TPCN1: variants seen among roughly 807,000 people sequenced by gnomAD.
TPCN1 encodes the protein two pore channel protein 1.
In TPCN1, 52 loss-of-function variants were observed where a neutral mutation model predicts 108.8. That is an observed-to-expected ratio of 0.48 (90% CI 0.38 to 0.60). The LOEUF is 0.60. Ranked by LOEUF, TPCN1 falls within the 20% of genes least tolerant of loss-of-function variation. The pLI is 0.00. For missense variants in TPCN1, 806 were observed against 1,072.8 expected (o/e 0.75, Z 3.47); for synonymous variants, 446 against 433.7 (o/e 1.03, Z -0.35).
intron 24 of TPCN1, 42 bp downstream of exon 24, chr12:113,291,719 C>G: frequency 6.2e-7 from 1 of 1,601,442 alleles, no homozygotes; most frequent in Non-Finnish European, 8.5e-7. Context: ...CTTCGTCTTC[C>G]ACATCACCAG....
intron 1 of TPCN1, among the ~76,000 whole-genome samples, chr12:113,223,781 C>T (rs1013302801): frequency 2.0e-5 from 3 of 152,006 alleles, no homozygotes; most frequent in South Asian, 2.1e-4. Flanking sequence ...TGACCTCAAG[C>T]GATCCACCTG....
intron 2 of TPCN1, among the ~76,000 whole-genome samples, chr12:113,237,114 A>G (rs1953927034): frequency 6.6e-6 from 1 of 152,206 alleles, no homozygotes. Flanking sequence ...ACATCTTGCC[A>G]GCTCGGGATG....
Position 113,221,624 on chromosome 12 carries a change from CGT to C in TPCN1, c.-126+1_-126+2del. Reference sequence around the variant, plus strand: ...CGCGGTCCGGGTTGCTGGGGCGGCGCGTGTAAGAATCCGAGGGATGCGACGGC... The same window carrying C: ...CGCGGTCCGGGTTGCTGGGGCGGCGCGTAAGAATCCGAGGGATGCGACGGC... On this transcript the variant is annotated splice_region_variant and 5_prime_UTR_variant, in exon 1 of 28. Transcript: ENST00000335509. The C allele has an allele frequency of 5.6e-6, 1 of 178,762 alleles. No homozygotes were observed. Among genetic ancestry groups the C allele is most frequent in the Non-Finnish European group, 1.2e-5 (1 of 86,634 alleles). 11.1% of individuals were successfully genotyped at this position (178,762 alleles called of 1,614,324 possible).
chr12:113,233,190 A>G (rs563604734), intron 2 of TPCN1, among the ~76,000 whole-genome samples: 1 of 152,110 alleles, frequency 6.6e-6, no homozygotes, highest in Non-Finnish European at 1.5e-5. Context: ...ATGAGATGCC[A>G]TCTCTTCCCG....
chr12:113,263,259 G>A (rs1443281373), intron 3 of TPCN1, among the ~76,000 whole-genome samples: 1 of 152,132 alleles, frequency 6.6e-6, no homozygotes, highest in African/African-American at 2.4e-5. Context: ...TGTTTCTAGA[G>A]GATGAGATGG....
intron 19 of TPCN1, among the ~76,000 whole-genome samples, chr12:113,287,605 G>T (rs1000653165): frequency 6.6e-6 from 1 of 152,170 alleles, no homozygotes; most frequent in Non-Finnish European, 1.5e-5. Flanking sequence ...GCCTGGGCTT[G>T]CCTCCTGACC....
At chr12:113,295,497 CT>C (rs1394394390) in intron 27 of TPCN1, among the ~76,000 whole-genome samples, 5 of 150,500 alleles carry the variant, frequency 3.3e-5, no homozygotes, top group African/African-American at 1.2e-4. Flanking sequence ...CCTTAATTAC[CT>C]GAATACCTCA....
In TPCN1 at chr12:113,232,366, C is replaced by T. The variant is rs975107458; in HGVS notation, c.112+5402C>T. 3.3e-5 allele frequency among the ~76,000 whole-genome samples: 5 copies of T among 152,226 alleles called. No individual in the cohort carries two copies. The highest frequency in any genetic ancestry group is 4.8e-5 in the African/African-American group (2 of 41,462). ...TTTCAGGGTCTTCATGCAGCCAGGG[C>T]GAGTTGGCACCAGGCTCAGTCAAGG... On this transcript the variant is annotated intron_variant, in intron 2 of 27. Transcript: ENST00000335509. The surrounding 1 kb of genome is among the most constrained non-coding windows in gnomAD (Gnocchi z 5.6).
At chr12:113,292,693 G>A (rs1039762455) in intron 25 of TPCN1, 5 of 454,768 alleles carry the variant, frequency 1.1e-5, no homozygotes, top group Non-Finnish European at 1.9e-5. Flanking sequence ...GTGCTTAGAG[G>A]CCCCTTCCTG....
Position 113,296,029 on chromosome 12 carries a change from G to A in TPCN1, c.2404G>A (p.Ala802Thr), listed in dbSNP as rs144203904. 27 of 1,613,202 alleles carry A rather than the reference G, an allele frequency of 1.7e-5. No individual in the cohort carries two copies. The highest frequency in any genetic ancestry group is 2.2e-5 in the East Asian group (1 of 44,868). ...RQLSSSAAPA[A>T]QQPPGSRQRS... ...ACTCAGCAGCAGTGCAGCCCCCGCC[G>A]CCCAGCAGCCCCCAGGCAGCCGCCA... Residue 802 changes from alanine (A) to threonine (T), a missense_variant, in exon 28 of 28, where the codon GCC (alanine) becomes ACC (threonine). Transcript: ENST00000335509.
intron 24 of TPCN1, 52 bp downstream of exon 24, chr12:113,291,729 G>C (rs536378104): frequency 6.3e-7 from 1 of 1,593,484 alleles, no homozygotes; most frequent in Non-Finnish European, 8.6e-7. Flanking sequence ...CACATCACCA[G>C]CTGCCCCTGC....
At chr12:113,258,740 C>T (rs898552792) in intron 2 of TPCN1, among the ~76,000 whole-genome samples, 2 of 152,074 alleles carry the variant, frequency 1.3e-5, no homozygotes, top group Admixed American at 6.5e-5. Context: ...ATGCTTGTGC[C>T]GCTGTACTCC....
At chr12:113,228,070 G>T (rs1953539430) in intron 2 of TPCN1, among the ~76,000 whole-genome samples, 1 of 152,212 alleles carries the variant, frequency 6.6e-6, no homozygotes, top group East Asian at 1.9e-4. Flanking sequence ...TCTGATTTCA[G>T]ACTATCTGTT....
At chr12:113,283,997 G>T (rs1955979714) in intron 15 of TPCN1, among the ~76,000 whole-genome samples, 1 of 152,190 alleles carries the variant, frequency 6.6e-6, no homozygotes, top group Admixed American at 6.5e-5. Flanking sequence ...TATGGTTAAA[G>T]TATGCCAGTT....
chr12:113,252,033 G>C (rs1018778014), intron 2 of TPCN1, among the ~76,000 whole-genome samples: 1 of 152,102 alleles, frequency 6.6e-6, no homozygotes, highest in Non-Finnish European at 1.5e-5. Flanking sequence ...GAGTGAAAAA[G>C]AAGATCGGGT....
chr12:113,292,278 T>C (rs1187724708), intron 25 of TPCN1: 2 of 351,096 alleles, frequency 5.7e-6, no homozygotes, highest in Non-Finnish European at 1.1e-5. Context: ...GGCTTCTCCT[T>C]CTTGGCTATT....
At chr12:113,283,419 G>A (rs944013547) in intron 15 of TPCN1, among the ~76,000 whole-genome samples, 5 of 151,984 alleles carry the variant, frequency 3.3e-5, no homozygotes, top group African/African-American at 1.2e-4. Flanking sequence ...TGGATTGCTT[G>A]AGCCCAGGGG....
At chr12:113,235,294 C>T (rs868641888) in intron 2 of TPCN1, among the ~76,000 whole-genome samples, 1 of 152,192 alleles carries the variant, frequency 6.6e-6, no homozygotes, top group African/African-American at 2.4e-5. Flanking sequence ...CCTGGTGATT[C>T]TTTCCTTCTT....
Position 113,266,466 on chromosome 12 carries a change from A to C in TPCN1, c.414+110A>C, listed in dbSNP as rs1955265891. On this transcript the variant is annotated intron_variant, in intron 4 of 27. Coordinates refer to ENST00000335509, the MANE Select transcript of TPCN1 (RefSeq NM_017901.6). This position sits in a 1 kb window ranked among gnomAD's most constrained non-coding sequence, Gnocchi z 4.2. ...GAGGGCAAACACTGCAAACGGACTTAAAACAGAGAGATACGAGGTGGTCAT... is the reference window on the plus strand; with the variant it reads ...GAGGGCAAACACTGCAAACGGACTTCAAACAGAGAGATACGAGGTGGTCAT... 1.4e-6 allele frequency: 2 copies of C among 1,418,760 alleles called. No individual in the cohort carries two copies. Among genetic ancestry groups the C allele is most frequent in the Non-Finnish European group, 1.9e-6 (2 of 1,040,460 alleles). 87.9% of individuals were successfully genotyped at this position (1,418,760 alleles called of 1,614,324 possible).
Sources: gnomAD v4.1 joint callset for allele counts (sites outside exome capture counted in the v4.1 genomes callset) on GRCh38, gnomAD v4.1.1 for gene constraint, Gnocchi (gnomAD v3.1) non-coding constraint, MANE v1.5 for transcripts, NCBI Gene and HGNC (gene_info 2026-07-23, HGNC 2026-07-21) for gene names.